The following SAMD13 variants were observed in gnomAD, a reference collection of about 807,000 sequenced individuals.
SAMD13 encodes sterile alpha motif domain-containing protein 13.
A neutral mutation model predicts 12.4 loss-of-function variants in SAMD13; 9 were observed. The ratio of observed to expected loss-of-function variants is 0.72; its 90% CI spans 0.44 to 1.26. SAMD13 has a LOEUF of 1.26. Ranked by LOEUF, SAMD13 falls within the 50% of genes most tolerant of loss-of-function variation. The pLI, the probability that SAMD13 is intolerant of heterozygous loss-of-function variation, is 0.00. For missense variants in SAMD13, 84 were observed against 119.6 expected (o/e 0.70, Z 1.39); for synonymous variants, 46 against 45.4 (o/e 1.01, Z -0.05).
At chr1:84,327,488 G>A (rs546964803) in intron 3 of SAMD13, among the ~76,000 whole-genome samples, 2 of 152,248 alleles carry the variant, frequency 1.3e-5, no homozygotes, top group Non-Finnish European at 1.5e-5. Flanking sequence ...CTGGGTGATG[G>A]TAACATTCTG....
At chr1:84,298,587 G>C, upstream of SAMD13, 2 of 1,285,116 alleles carry the variant, frequency 1.6e-6, no homozygotes, top group Non-Finnish European at 2.0e-6. Flanking sequence ...CTGCCTGTGC[G>C]CCCAGGGCGT....
chr1:84,298,630 T>A, upstream of SAMD13: 1 of 1,258,622 alleles, frequency 7.9e-7, no homozygotes, highest in African/African-American at 1.5e-5. Flanking sequence ...CTCTCCAGGA[T>A]GAAAGGAAAC....
At chr1:84,325,041 T>G (rs1679027156) in intron 2 of SAMD13, among the ~76,000 whole-genome samples, 1 of 152,140 alleles carries the variant, frequency 6.6e-6, no homozygotes, top group Non-Finnish European at 1.5e-5. Flanking sequence ...AGGGTATAAT[T>G]CAGTGTGGAA....
At chr1:84,299,657 G>GTGTATA (rs1553199278), upstream of SAMD13, 278 of 677,854 alleles carry the variant, frequency 4.1e-4, 1 homozygote, top group Non-Finnish European at 4.9e-4. Context: ...GAGTACTAGT[G>GTGTATA]TATATATATA....
upstream of SAMD13, among the ~76,000 whole-genome samples, chr1:84,300,856 A>G (rs1386342152): frequency 6.6e-6 from 1 of 152,136 alleles, no homozygotes; most frequent in Non-Finnish European, 1.5e-5. Context: ...GAGACTATGA[A>G]TTTTGGGGTG....
chr1:84,306,301 A>ATTTTTTTTTTTTTTTTTTTTTTTT (rs1257251294), intron 2 of SAMD13, among the ~76,000 whole-genome samples: 1 of 152,056 alleles, frequency 6.6e-6, no homozygotes, highest in African/African-American at 2.4e-5. Context: ...AATACAATTG[A>ATTTTTTTTTTTTTTTTTTTTTTTT]TTTTTTATAT....
chr1:84,310,031 A>T (rs1448589600), intron 2 of SAMD13, among the ~76,000 whole-genome samples: 2 of 152,164 alleles, frequency 1.3e-5, no homozygotes, highest in African/African-American at 4.8e-5. Flanking sequence ...TAACAATTCA[A>T]TTTCTGGATA....
chr1:84,349,767 C>T lies in SAMD13; in HGVS notation c.302C>T (p.Ser101Phe). The part of the protein sequence containing the change: ...PLQTKHLKNN[S>F]S Reference sequence around the variant, plus strand: ...CAGACAAAGCATTTAAAGAACAACTCTTCATAGTACAGTCAAATTGGGGTC... The same window carrying T: ...CAGACAAAGCATTTAAAGAACAACTTTTCATAGTACAGTCAAATTGGGGTC... Residue 101 changes from serine (S) to phenylalanine (F), a missense_variant, in exon 4 of 4, where the codon TCT becomes TTT. Ser to Phe is a radical substitution (Grantham distance 155, BLOSUM62 -2). Transcript: ENST00000394834. 6.2e-7 allele frequency: 1 copy of T among 1,607,502 alleles called. No individual in the cohort carries two copies. Among genetic ancestry groups the T allele is most frequent in the Non-Finnish European group, 8.5e-7 (1 of 1,177,124 alleles).
At chr1:84,326,752 A>C (rs1679069869) in intron 3 of SAMD13, among the ~76,000 whole-genome samples, 1 of 152,182 alleles carries the variant, frequency 6.6e-6, no homozygotes, top group South Asian at 2.1e-4. Flanking sequence ...ATATCCCTTC[A>C]GCCATTGTTC....
chr1:84,304,511 C>T (rs1678524895), intron 2 of SAMD13, among the ~76,000 whole-genome samples: 3 of 152,102 alleles, frequency 2.0e-5, no homozygotes, highest in Admixed American at 2.0e-4. Context: ...AGCAGCTTTA[C>T]TGAAGTATAA....
At chr1:84,341,615 G>A (rs1679427047) in intron 3 of SAMD13, among the ~76,000 whole-genome samples, 1 of 152,048 alleles carries the variant, frequency 6.6e-6, no homozygotes, top group African/African-American at 2.4e-5. Context: ...CTTTATAGAG[G>A]GCTAATAAAA....
chr1:84,322,614 G>A (rs1678969264), intron 2 of SAMD13, among the ~76,000 whole-genome samples: 1 of 152,140 alleles, frequency 6.6e-6, no homozygotes, highest in African/African-American at 2.4e-5. Flanking sequence ...GATATCGATA[G>A]TCTAATGTGA....
chr1:84,309,355 G>C lies in SAMD13; in HGVS notation c.53+6068G>C, dbSNP rs535644643. ...GGTTCTTGTGTCGTTGCTGCAAGAG[G>C]AGGAAAAGGATAATTGAGACACATA... On this transcript the variant is annotated intron_variant, in intron 2 of 3. Transcript: ENST00000394834. 5.9e-5 allele frequency among the ~76,000 whole-genome samples: 9 copies of C among 152,290 alleles called. No individual in the cohort carries two copies. The East Asian group carries it at 1.7e-3, about 29-fold the overall frequency.
intron 3 of SAMD13, among the ~76,000 whole-genome samples, chr1:84,331,183 C>T (rs909097479): frequency 2.0e-5 from 3 of 151,920 alleles, no homozygotes; most frequent in African/African-American, 7.3e-5. Flanking sequence ...GGATGCCAAT[C>T]AGAGCAACCC....
chr1:84,329,019 C>T (rs976858401), intron 3 of SAMD13, among the ~76,000 whole-genome samples: 2 of 152,016 alleles, frequency 1.3e-5, no homozygotes, highest in African/African-American at 4.8e-5. Flanking sequence ...TATGTGCCCC[C>T]AAAACTCTTA....
At chr1:84,304,192 T>G (rs968119509) in intron 2 of SAMD13, 1 of 152,220 alleles carries the variant, frequency 6.6e-6, no homozygotes, top group Non-Finnish European at 1.5e-5. Context: ...TAAAACTAAC[T>G]TAATAAAATC....
At chr1:84,314,647 C>T (rs1426394806) in intron 2 of SAMD13, among the ~76,000 whole-genome samples, 3 of 152,032 alleles carry the variant, frequency 2.0e-5, no homozygotes, top group Non-Finnish European at 4.4e-5. Flanking sequence ...TCCTGGAATG[C>T]TCTTCTTCCC....
chr1:84,343,624 T>C (rs1040185905), intron 3 of SAMD13, among the ~76,000 whole-genome samples: 3 of 152,270 alleles, frequency 2.0e-5, no homozygotes, highest in East Asian at 1.9e-4. Flanking sequence ...AAACACTGCA[T>C]GTTCTTACTT....
At chr1:84,321,350 A>G (rs1678938891) in intron 2 of SAMD13, among the ~76,000 whole-genome samples, 1 of 151,546 alleles carries the variant, frequency 6.6e-6, no homozygotes, top group Admixed American at 6.6e-5. Context: ...ATTTTTAATA[A>G]TAAAGCTATA....
Sources: allele counts gnomAD v4.1 joint callset (sites outside exome capture counted in the v4.1 genomes callset), GRCh38; gene constraint gnomAD v4.1.1; transcripts MANE v1.5; gene names NCBI Gene and HGNC (gene_info 2026-07-23, HGNC 2026-07-21).